The following LOC128462377 variants were observed in gnomAD, a reference collection of about 807,000 sequenced individuals.
the LOC128462377 span, among the ~76,000 whole-genome samples, chr16:89,337,426 A>AT: frequency 8.5e-3 from 372 of 43,606 alleles, 9 homozygotes; most frequent in Admixed American, 0.018. Flanking sequence ...GGTCTAAGCA[A>AT]TTCTTTTTTT....
chr16:89,405,822 T>C, the LOC128462377 span, among the ~76,000 whole-genome samples: 1 of 152,108 alleles, frequency 6.6e-6, no homozygotes, highest in Non-Finnish European at 1.5e-5. Flanking sequence ...AAGGATGCAC[T>C]GCAGTCAATC....
chr16:89,411,077 G>C, the LOC128462377 span, among the ~76,000 whole-genome samples: 3 of 152,218 alleles, frequency 2.0e-5, no homozygotes, highest in Admixed American at 2.0e-4. Context: ...GGCCAGTGCA[G>C]GAGGCAGGTT....
chr16:89,383,630 G>C, the LOC128462377 span, among the ~76,000 whole-genome samples: 1 of 151,980 alleles, frequency 6.6e-6, no homozygotes, highest in Non-Finnish European at 1.5e-5. Context: ...CCCTGCCCTC[G>C]GACCAGCAAC....
chr16:89,402,312 G>A, the LOC128462377 span, among the ~76,000 whole-genome samples: 1 of 152,122 alleles, frequency 6.6e-6, no homozygotes, highest in Non-Finnish European at 1.5e-5. Context: ...CGATACTAAT[G>A]TACAGTTCAC....
chr16:89,386,668 C>T, the LOC128462377 span, among the ~76,000 whole-genome samples: 1 of 152,232 alleles, frequency 6.6e-6, no homozygotes, highest in Non-Finnish European at 1.5e-5. Flanking sequence ...ACTTGACTCC[C>T]TTACCTTCTG....
the LOC128462377 span, chr16:89,396,151 G>C: frequency 6.6e-6 from 1 of 152,208 alleles, no homozygotes; most frequent in African/African-American, 2.4e-5. Flanking sequence ...TCAAAGATAA[G>C]AATTTTGGAA....
chr16:89,397,577 G>A, the LOC128462377 span, among the ~76,000 whole-genome samples: 7 of 152,228 alleles, frequency 4.6e-5, no homozygotes, highest in South Asian at 1.4e-3. Flanking sequence ...CTGGCTGCAG[G>A]ACAAAGGTGT....
the LOC128462377 span, among the ~76,000 whole-genome samples, chr16:89,352,304 C>T: frequency 6.6e-6 from 1 of 151,902 alleles, no homozygotes; most frequent in Non-Finnish European, 1.5e-5. Context: ...CATCACGCCA[C>T]GCGGTGCAGA....
the LOC128462377 span, among the ~76,000 whole-genome samples, chr16:89,406,036 G>A: frequency 2.7e-5 from 4 of 147,478 alleles, no homozygotes; most frequent in South Asian, 2.1e-4. Context: ...CCTGAACCCC[G>A]AAGGCAGAGG....
At chr16:89,351,602 G>T in the LOC128462377 span, among the ~76,000 whole-genome samples, 1 of 152,214 alleles carries the variant, frequency 6.6e-6, no homozygotes, top group Non-Finnish European at 1.5e-5. Flanking sequence ...TCTGTGTTTG[G>T]CATTGAGGCA....
the LOC128462377 span, among the ~76,000 whole-genome samples, chr16:89,372,412 G>A: frequency 6.6e-6 from 1 of 152,092 alleles, no homozygotes; most frequent in East Asian, 1.9e-4. Flanking sequence ...GGACGGGGTC[G>A]ACAAGGCAGT....
the LOC128462377 span, among the ~76,000 whole-genome samples, chr16:89,415,334 G>A: frequency 7.1e-6 from 1 of 141,102 alleles, no homozygotes; most frequent in Non-Finnish European, 1.5e-5. Flanking sequence ...GTGCGATCTC[G>A]GTTTACTGCA....
chr16:89,328,370 T>A, the LOC128462377 span, among the ~76,000 whole-genome samples: 2 of 152,208 alleles, frequency 1.3e-5, no homozygotes, highest in Non-Finnish European at 2.9e-5. Context: ...TGGAACCTCA[T>A]GTGAACACAA....
At chr16:89,404,473 T>C in the LOC128462377 span, among the ~76,000 whole-genome samples, 2 of 152,178 alleles carry the variant, frequency 1.3e-5, no homozygotes, top group African/African-American at 2.4e-5. Flanking sequence ...AGCCACAAAA[T>C]ATTATTTTGT....
At chr16:89,317,381 C>T in the LOC128462377 span, among the ~76,000 whole-genome samples, 1 of 152,164 alleles carries the variant, frequency 6.6e-6, no homozygotes, top group African/African-American at 2.4e-5. Flanking sequence ...GTCAGCAGCA[C>T]CTGGATCCTG....
At chr16:89,339,882 C>G in the LOC128462377 span, 9 of 151,904 alleles carry the variant, frequency 5.9e-5, no homozygotes, top group Non-Finnish European at 1.2e-4. Context: ...TACACACAAG[C>G]CTACACCAAA....
the LOC128462377 span, among the ~76,000 whole-genome samples, chr16:89,399,244 T>C: frequency 2.0e-5 from 3 of 152,112 alleles, no homozygotes; most frequent in African/African-American, 7.2e-5. Flanking sequence ...ATTCTTCATT[T>C]ATCCGTAAGA....
At chr16:89,344,922 GA>G in the LOC128462377 span, among the ~76,000 whole-genome samples, 5 of 152,176 alleles carry the variant, frequency 3.3e-5, no homozygotes, top group African/African-American at 1.2e-4. Flanking sequence ...GCTCCTTGTA[GA>G]AAATACCAGT....
chr16:89,329,995 A>AAAAATAAAATAAAATAAAATAAAAT, the LOC128462377 span, among the ~76,000 whole-genome samples: 251 of 146,312 alleles, frequency 1.7e-3, 2 homozygotes, highest in African/African-American at 6.1e-3. Context: ...ACCTTGTCTC[A>AAAAATAAAATAAAATAAAATAAAAT]AAAATAAAAT....
Sources: allele counts gnomAD v4.1 joint callset (sites outside exome capture counted in the v4.1 genomes callset), GRCh38; gene constraint gnomAD v4.1.1; transcripts MANE v1.5.